The following RFTN1 variants were observed in gnomAD, a reference collection of about 807,000 sequenced individuals.
RFTN1 encodes raftlin, lipid raft linker 1, also known as raftlin.
RFTN1 carries 26 observed loss-of-function variants against 46.5 expected under a neutral mutation model. The observed-to-expected ratio is 0.56, with a 90% CI of 0.41 to 0.78. The LOEUF is 0.78. Among genes scored for constraint, RFTN1 ranks in the 30% least tolerant of loss-of-function variants. RFTN1 has a pLI of 0.00. For synonymous variants in RFTN1, 261 were observed against 284.2 expected (o/e 0.92, Z 0.82); for missense variants, 693 against 718.7 (o/e 0.96, Z 0.41).
chr3:16,491,313 G>A (rs1002701704), intron 2 of RFTN1, among the ~76,000 whole-genome samples: 1 of 152,164 alleles, frequency 6.6e-6, no homozygotes, highest in Non-Finnish European at 1.5e-5. Context: ...CAAAGTCAAA[G>A]CAGCGGAACA....
rs1477831096 is a variant in RFTN1 at position 16,479,577 on chromosome 3, A to G, written c.145+14148T>C. Among the ~76,000 whole-genome samples, 2 of 152,194 alleles carry G rather than the reference A, an allele frequency of 1.3e-5. No homozygotes were observed. The highest frequency in any genetic ancestry group is 2.1e-4 in the South Asian group (1 of 4,834). ...AGCATCAGTAACTTTTCTTTCACAC[A>G]CTTCATCTCGACCATTTCTCACCAA... is the stretch of plus-strand genomic sequence containing the variant. On this transcript the variant is annotated intron_variant, in intron 2 of 9. Transcript: ENST00000334133. This position sits in a 1 kb window ranked among gnomAD's most constrained non-coding sequence, Gnocchi z 5.1.
Position 16,475,073 on chromosome 3 carries a change from A to G in RFTN1, c.145+18652T>C. Among the ~76,000 whole-genome samples, 1 of 152,086 alleles carries G rather than the reference A, an allele frequency of 6.6e-6. No individual in the cohort carries two copies. Among genetic ancestry groups the G allele is most frequent in the East Asian group, 1.9e-4 (1 of 5,184 alleles). On this transcript the variant is annotated intron_variant, in intron 2 of 9. Coordinates refer to ENST00000334133, the MANE Select transcript of RFTN1 (RefSeq NM_015150.2). This position sits in a 1 kb window ranked among gnomAD's most constrained non-coding sequence, Gnocchi z 4.2. ...GAGGTAATGAGTGAGTTCACGTGAG[A>G]ACTGGTTGTTTAAAAGAGCATGGCA...
rs1360435330 is a variant in RFTN1, at chr3:16,504,797, C to G, written c.-9+8645G>C. On this transcript the variant is annotated intron_variant, in intron 1 of 9. Transcript: ENST00000334133. This position sits in a 1 kb window ranked among gnomAD's most constrained non-coding sequence, Gnocchi z 4.4. ...ACATCTCCAAGAACTGTTTCAACAT[C>G]TCCACCTGGAACTTTCTCTCTTCAC... Among the ~76,000 whole-genome samples, 1 of 152,206 alleles carries G rather than the reference C, an allele frequency of 6.6e-6. No homozygotes were observed. The highest frequency in any genetic ancestry group is 2.4e-5 in the African/African-American group (1 of 41,454).
intron 7 of RFTN1, among the ~76,000 whole-genome samples, chr3:16,354,589 C>T (rs1169174794): frequency 6.6e-6 from 1 of 152,206 alleles, no homozygotes; most frequent in Non-Finnish European, 1.5e-5. Flanking sequence ...GTCTTCCTTT[C>T]GTTGTCTTGG....
intron 4 of RFTN1, among the ~76,000 whole-genome samples, chr3:16,388,559 A>G (rs1177544186): frequency 1.3e-5 from 2 of 152,194 alleles, no homozygotes; most frequent in African/African-American, 4.8e-5. Context: ...TGAGGCCTAG[A>G]GACATTAAGG....
At chr3:16,416,150 T>A in intron 3 of RFTN1, 1 of 455,386 alleles carries the variant, frequency 2.2e-6, no homozygotes, top group South Asian at 1.6e-5. Flanking sequence ...ATTTCACCAT[T>A]CCAAAGGAAT....
In RFTN1 at chr3:16,483,493, A is replaced by C. The variant is rs940999604; in HGVS notation, c.145+10232T>G. On this transcript the variant is annotated intron_variant, in intron 2 of 9. Coordinates refer to ENST00000334133, the MANE Select transcript of RFTN1 (RefSeq NM_015150.2). The surrounding 1 kb of genome is among the most constrained non-coding windows in gnomAD (Gnocchi z 4.8). Reference sequence around the variant, plus strand: ...TAGGTGGGGTGGGGACACAGAACCAAACCACAACACCAAGACTGACTTAAT... The same window carrying C: ...TAGGTGGGGTGGGGACACAGAACCACACCACAACACCAAGACTGACTTAAT... Among the ~76,000 whole-genome samples the C allele has an allele frequency of 1.2e-4, 18 of 152,158 alleles. No individual in the cohort carries two copies. The highest frequency in any genetic ancestry group is 2.2e-4 in the Non-Finnish European group (15 of 68,022).
In RFTN1 at chr3:16,382,818, C is replaced by G. The variant is rs2074038312; in HGVS notation, c.442-4716G>C. Among the ~76,000 whole-genome samples, 1 of 152,162 alleles carries G rather than the reference C, an allele frequency of 6.6e-6. No homozygotes were observed. ...ATCCAAGCTCACTTTATTTCAAGCC[C>G]TCATCATCTGTTGCTGGACATCACC... On this transcript the variant is annotated intron_variant, in intron 4 of 9. Coordinates refer to ENST00000334133, the MANE Select transcript of RFTN1 (RefSeq NM_015150.2). The surrounding 1 kb of genome is among the most constrained non-coding windows in gnomAD (Gnocchi z 4.7).
In RFTN1 at chr3:16,499,668, T is replaced by C. The variant is rs995388747; in HGVS notation, c.-8-5791A>G. On this transcript the variant is annotated intron_variant, in intron 1 of 9. Transcript: ENST00000334133. The surrounding 1 kb of genome is among the most constrained non-coding windows in gnomAD (Gnocchi z 4.9). Reference sequence around the variant, plus strand: ...GTTTTGGAGTGGTTCATTTATACCATAAGCAACTTATATACCAAGTCTGCT... The same window carrying C: ...GTTTTGGAGTGGTTCATTTATACCACAAGCAACTTATATACCAAGTCTGCT... Among the ~76,000 whole-genome samples, 3 of 152,190 alleles carry C rather than the reference T, an allele frequency of 2.0e-5. No individual in the cohort carries two copies. The highest frequency in any genetic ancestry group is 7.2e-5 in the African/African-American group (3 of 41,452).
intron 2 of RFTN1, among the ~76,000 whole-genome samples, chr3:16,455,416 G>A (rs2075889190): frequency 6.6e-6 from 1 of 152,162 alleles, no homozygotes; most frequent in South Asian, 2.1e-4. Context: ...TCCAAAAACA[G>A]GTTGGGGGCA....
intron 4 of RFTN1, among the ~76,000 whole-genome samples, chr3:16,386,729 G>T (rs969500630): frequency 2.6e-5 from 4 of 152,182 alleles, no homozygotes; most frequent in African/African-American, 9.7e-5. Flanking sequence ...AAAGAAATCT[G>T]CCCACAGGAT....
At chr3:16,391,882 GTT>G (rs1295347779) in intron 4 of RFTN1, among the ~76,000 whole-genome samples, 32 of 23,472 alleles carry the variant, frequency 1.4e-3, no homozygotes, top group Admixed American at 3.8e-3. Context: ...TTTTTTTTTT[GTT>G]TTTTTTTTTG....
At chr3:16,371,329 A>G (rs369548415) in intron 5 of RFTN1, among the ~76,000 whole-genome samples, 15 of 152,360 alleles carry the variant, frequency 9.8e-5, no homozygotes, top group African/African-American at 3.4e-4. Context: ...CTCAGATTTC[A>G]GTATCTCACA....
In RFTN1 at chr3:16,507,506, A is replaced by G. The variant is rs1452351898; in HGVS notation, c.-9+5936T>C. ...CTTTCTGAGTAAAATCTATTACAAC[A>G]GTTCCCCCAAATCTGAGGAACTTTA... On this transcript the variant is annotated intron_variant, in intron 1 of 9. Coordinates refer to ENST00000334133, the MANE Select transcript of RFTN1 (RefSeq NM_015150.2). The surrounding 1 kb of genome is among the most constrained non-coding windows in gnomAD (Gnocchi z 7.1). 6.6e-6 allele frequency among the ~76,000 whole-genome samples: 1 copy of G among 152,180 alleles called. No homozygotes were observed. Among genetic ancestry groups the G allele is most frequent in the Non-Finnish European group, 1.5e-5 (1 of 68,030 alleles).
At chr3:16,367,158 G>A (rs553681) in intron 6 of RFTN1, among the ~76,000 whole-genome samples, 52,487 of 147,288 alleles carry the variant, frequency 0.36, 9,470 homozygotes, top group Non-Finnish European at 0.45. Context: ...TTCAGGAGTC[G>A]TGACTAGTGC....
At position 16,421,678 on chromosome 3, in the gene RFTN1, G is replaced by A. The variant is rs766605333; in HGVS notation, c.332+12173C>T. ...CATTGGTGTTTTAATCTCATACTGCGTCCCACAAAGCTCTTATGGGCAGAG... is the reference window on the plus strand; with the variant it reads ...CATTGGTGTTTTAATCTCATACTGCATCCCACAAAGCTCTTATGGGCAGAG... On this transcript the variant is annotated intron_variant, in intron 3 of 9. Transcript: ENST00000334133. This position sits in a 1 kb window ranked among gnomAD's most constrained non-coding sequence, Gnocchi z 4.6. Among the ~76,000 whole-genome samples, 51 of 152,032 alleles carry A rather than the reference G, an allele frequency of 3.4e-4. No individual in the cohort carries two copies. The highest frequency in any genetic ancestry group is 5.1e-4 in the Non-Finnish European group (35 of 68,000).
At position 16,504,088 on chromosome 3, in the gene RFTN1, CT is replaced by C; in HGVS notation, c.-9+9353del. Reference sequence around the variant, plus strand: ...TGAGGATTTCTCCGTTCACAGTGCCCTTAGTTTCTCTGTACATTTTTTAATG... The same window carrying C: ...TGAGGATTTCTCCGTTCACAGTGCCCTAGTTTCTCTGTACATTTTTTAATG... On this transcript the variant is annotated intron_variant, in intron 1 of 9. Transcript: ENST00000334133. This position sits in a 1 kb window ranked among gnomAD's most constrained non-coding sequence, Gnocchi z 4.4. Among the ~76,000 whole-genome samples the C allele has an allele frequency of 6.6e-6, 1 of 152,058 alleles. No individual in the cohort carries two copies. Among genetic ancestry groups the C allele is most frequent in the East Asian group, 1.9e-4 (1 of 5,176 alleles).
chr3:16,375,270 G>C (rs932802613), intron 5 of RFTN1, among the ~76,000 whole-genome samples: 3 of 152,118 alleles, frequency 2.0e-5, no homozygotes, highest in African/African-American at 7.2e-5. Context: ...AAGATTAGGA[G>C]AGAGGCTGGG....
In RFTN1 at chr3:16,334,211, T is replaced by A. The variant is rs1018532637; in HGVS notation, c.1147-7335A>T. Among the ~76,000 whole-genome samples the A allele has an allele frequency of 2.0e-5, 3 of 152,126 alleles. No individual in the cohort carries two copies. Among genetic ancestry groups the A allele is most frequent in the African/African-American group, 7.2e-5 (3 of 41,430 alleles). ...AACAACAACAAAAAATACCCTGAGATACTATTTTTTCACCTATTGAACTGG... is the reference window on the plus strand; with the variant it reads ...AACAACAACAAAAAATACCCTGAGAAACTATTTTTTCACCTATTGAACTGG... On this transcript the variant is annotated intron_variant, in intron 7 of 9. Coordinates refer to ENST00000334133, the MANE Select transcript of RFTN1 (RefSeq NM_015150.2). This position sits in a 1 kb window ranked among gnomAD's most constrained non-coding sequence, Gnocchi z 4.3.
Sources: gnomAD v4.1 joint callset for allele counts (sites outside exome capture counted in the v4.1 genomes callset) on GRCh38, gnomAD v4.1.1 for gene constraint, Gnocchi (gnomAD v3.1) non-coding constraint, MANE v1.5 for transcripts, NCBI Gene and HGNC (gene_info 2026-07-23, HGNC 2026-07-21) for gene names.